Variants in ZCCHC10 observed in about 807,000 individuals in gnomAD.
ZCCHC10 encodes the protein zinc finger CCHC-type containing 10, also known as zinc finger CCHC domain-containing protein 10.
Under a neutral mutation model 19.5 loss-of-function variants are expected in ZCCHC10, and 16 were observed. That is an observed-to-expected ratio of 0.82 (90% CI 0.56 to 1.25). The LOEUF (loss-of-function observed/expected upper bound fraction) is 1.25, where lower values mean the gene tolerates loss of function less well. Ranked by LOEUF, ZCCHC10 falls within the 50% of genes most tolerant of loss-of-function variation. ZCCHC10 has a pLI of 0.00. For synonymous variants in ZCCHC10, 67 were observed against 72.5 expected, an observed-to-expected ratio of 0.92 and a Z score of 0.38; for missense variants, 197 against 201.0, an observed-to-expected ratio of 0.98 and a Z score of 0.12.
intron 2 of ZCCHC10, 106 bp from the exon 3 acceptor site, chr5:133,007,026 TC>T: frequency 9.2e-7 from 1 of 1,090,110 alleles, no homozygotes; most frequent in Non-Finnish European, 1.2e-6. Context: ...ACTCTTATGG[TC>T]CAATTCATAA....
rs1164713375 is a variant in ZCCHC10, at chr5:132,997,355, G to A, written c.*1228C>T. 2.0e-5 allele frequency: 3 copies of A among 152,006 alleles called. No homozygotes were observed. The highest frequency in any genetic ancestry group is 2.0e-4 in the Admixed American group (3 of 15,242). The allele number at this position is 152,006 out of a possible 1,614,324, so 9.4% of individuals were successfully genotyped here. ...AAATATAAAAAAGACAACATTTATA[G>A]TTTTAAAAACCTATATTTAACCCAA... On this transcript the variant is annotated 3_prime_UTR_variant, in exon 5 of 5. Coordinates refer to ENST00000509437, the MANE Select transcript of ZCCHC10 (RefSeq NM_001300816.3).
chr5:133,024,584 C>G (rs1764542776), intron 1 of ZCCHC10, among the ~76,000 whole-genome samples: 2 of 152,124 alleles, frequency 1.3e-5, no homozygotes, highest in South Asian at 4.1e-4. Flanking sequence ...TTAAGTATCA[C>G]CATCCCATTT....
intron 2 of ZCCHC10, among the ~76,000 whole-genome samples, chr5:133,015,981 C>T (rs1561549980): frequency 6.6e-6 from 1 of 152,148 alleles, no homozygotes; most frequent in Non-Finnish European, 1.5e-5. Context: ...TAATCCATCA[C>T]CATCTTTTAG....
chr5:133,025,303 G>C (rs1764599916), intron 1 of ZCCHC10, among the ~76,000 whole-genome samples: 1 of 151,826 alleles, frequency 6.6e-6, no homozygotes, highest in African/African-American at 2.4e-5. Flanking sequence ...AGGGGATCGA[G>C]ACCATCCTGG....
intron 1 of ZCCHC10, among the ~76,000 whole-genome samples, chr5:133,025,966 T>C (rs377460062): frequency 5.3e-5 from 8 of 152,348 alleles, no homozygotes; most frequent in African/African-American, 1.9e-4. Flanking sequence ...CGGTAGGAAC[T>C]AAATAAATTA....
chr5:133,000,248 T>G (rs1762681361), intron 3 of ZCCHC10, 75 bp from the exon 4 acceptor site: 1 of 1,511,824 alleles, frequency 6.6e-7, no homozygotes, highest in South Asian at 1.2e-5. Context: ...CCTTCTACTA[T>G]CCCCCAAATC....
At chr5:133,010,090 C>T (rs184590867) in intron 2 of ZCCHC10, among the ~76,000 whole-genome samples, 2 of 142,534 alleles carry the variant, frequency 1.4e-5, no homozygotes, top group Admixed American at 1.5e-4. Flanking sequence ...GCTCTGTCGC[C>T]CAGGCTAGAG....
intron 4 of ZCCHC10, 62 bp downstream of exon 4, chr5:133,000,070 T>C: frequency 6.4e-7 from 1 of 1,567,326 alleles, no homozygotes; most frequent in Non-Finnish European, 8.7e-7. Context: ...TAAAATCACC[T>C]TTCCCATCCC....
chr5:133,000,310 T>C, intron 3 of ZCCHC10, 137 bp from the exon 4 acceptor site: 1 of 930,302 alleles, frequency 1.1e-6, no homozygotes, highest in Non-Finnish European at 1.6e-6. Context: ...GAGTACAGTA[T>C]TTCTTATTAT....
rs1762516077 is a variant in ZCCHC10 at position 132,997,755 on chromosome 5, C to T, written c.*828G>A. 1 of 152,104 alleles carries T rather than the reference C, an allele frequency of 6.6e-6. No homozygotes were observed. The highest frequency in any genetic ancestry group is 1.5e-5 in the Non-Finnish European group (1 of 68,012). 9.4% of individuals were successfully genotyped at this position (152,104 alleles called of 1,614,324 possible). On this transcript the variant is annotated 3_prime_UTR_variant, in exon 5 of 5. Transcript: ENST00000509437. ...AAATTACCTCTTCTTCCTACCTTTC[C>T]CCCTGCTTTGAATGGTACCTTTTAT...
At chr5:133,000,982 A>C (rs1762733442) in intron 3 of ZCCHC10, among the ~76,000 whole-genome samples, 1 of 152,002 alleles carries the variant, frequency 6.6e-6, no homozygotes, top group African/African-American at 2.4e-5. Context: ...TAATACTTCA[A>C]AACTATGCTC....
At chr5:133,001,476 C>G (rs1486097708) in intron 3 of ZCCHC10, among the ~76,000 whole-genome samples, 1 of 149,756 alleles carries the variant, frequency 6.7e-6, no homozygotes, top group Non-Finnish European at 1.5e-5. Context: ...TTTTTTTTTT[C>G]TTTTTGAGAT....
chr5:133,022,196 A>G (rs1341478144), intron 2 of ZCCHC10, among the ~76,000 whole-genome samples: 1 of 152,048 alleles, frequency 6.6e-6, no homozygotes, highest in African/African-American at 2.4e-5. Context: ...TTCTTTCTTT[A>G]TATCTTCATT....
intron 2 of ZCCHC10, 134 bp downstream of exon 2, chr5:133,022,707 T>TC: frequency 2.8e-6 from 1 of 360,712 alleles, no homozygotes. Context: ...TGCCTCAGCC[T>TC]CCCAAAGTGC....
intron 2 of ZCCHC10, among the ~76,000 whole-genome samples, chr5:133,018,604 A>G (rs1764083294): frequency 6.6e-6 from 1 of 151,996 alleles, no homozygotes; most frequent in Admixed American, 6.6e-5. Context: ...TCGTCATGTT[A>G]ACCAGGCTAG....
At chr5:133,016,422 A>G (rs1763922405) in intron 2 of ZCCHC10, among the ~76,000 whole-genome samples, 1 of 152,142 alleles carries the variant, frequency 6.6e-6, no homozygotes. Flanking sequence ...AAAAGCTGAG[A>G]AGCAATTATT....
intron 3 of ZCCHC10, among the ~76,000 whole-genome samples, chr5:133,005,750 G>C (rs1033474888): frequency 6.6e-6 from 1 of 152,174 alleles, no homozygotes; most frequent in Non-Finnish European, 1.5e-5. Context: ...TGTGAGATTA[G>C]AGAAGCGTTG....
In ZCCHC10 at chr5:133,003,708, G is replaced by GTATA. The variant is rs139881312; in HGVS notation, c.269+3047_269+3050dup. On this transcript the variant is annotated intron_variant, in intron 3 of 4. Transcript: ENST00000509437. ...ATTAAAACAAACTTATTGGTAATGTGTATATATATATATTTTTGGCGAGAT... is the reference window on the plus strand; with the variant it reads ...ATTAAAACAAACTTATTGGTAATGTGTATATATATATATATATTTTTGGCGAGAT... 7.9e-5 allele frequency among the ~76,000 whole-genome samples: 12 copies of GTATA among 151,552 alleles called. No individual in the cohort carries two copies. In the South Asian group the frequency reaches 2.5e-3, roughly 32 times the overall value.
intron 1 of ZCCHC10, among the ~76,000 whole-genome samples, chr5:133,023,474 T>G (rs1764463811): frequency 6.6e-6 from 1 of 151,584 alleles, no homozygotes; most frequent in Admixed American, 6.6e-5. Context: ...TTTTTTTTTT[T>G]TTTTTTAAAG....
Sources: allele counts gnomAD v4.1 joint callset (sites outside exome capture counted in the v4.1 genomes callset), GRCh38; gene constraint gnomAD v4.1.1; transcripts MANE v1.5; gene names NCBI Gene and HGNC (gene_info 2026-07-23, HGNC 2026-07-21).